TNRC6B: variants seen among roughly 807,000 people sequenced by gnomAD.
TNRC6B encodes trinucleotide repeat containing adaptor 6B.
TNRC6B carries 52 observed loss-of-function variants against 203.6 expected under a neutral mutation model. The observed-to-expected ratio is 0.26, with a 90% CI of 0.20 to 0.32. The LOEUF is 0.32. TNRC6B is among the 10% of genes least tolerant of loss of function. TNRC6B has a pLI of 1.00. For synonymous variants in TNRC6B, 838 were observed against 845.7 expected (o/e 0.99, Z 0.16); for missense variants, 1,923 against 2,286.2 (o/e 0.84, Z 3.24).
At chr22:40,060,244 A>G (rs1187413657) in intron 1 of TNRC6B, among the ~76,000 whole-genome samples, 2 of 150,852 alleles carry the variant, frequency 1.3e-5, no homozygotes, top group Admixed American at 1.3e-4. Context: ...TTTTTGACAA[A>G]AAGTCTCACT....
rs540238906 is a variant in TNRC6B at position 40,149,075 on chromosome 22, T to C, written c.46-7040T>C. Among the ~76,000 whole-genome samples the C allele has an allele frequency of 1.1e-4, 17 of 152,308 alleles. No homozygotes were observed. In the South Asian group the frequency reaches 2.3e-3, roughly 20 times the overall value. Reference sequence around the variant, plus strand: ...TTTACTCAATAAAAAAGAATACATATGTGAGTGTTCATAGCAGCTTTATTT... The same window carrying C: ...TTTACTCAATAAAAAAGAATACATACGTGAGTGTTCATAGCAGCTTTATTT... On this transcript the variant is annotated intron_variant, in intron 3 of 23. Coordinates refer to the TNRC6B transcript ENST00000301923.
intron 1 of TNRC6B, among the ~76,000 whole-genome samples, chr22:40,237,914 C>A (rs1258970467): frequency 6.6e-6 from 1 of 151,936 alleles, no homozygotes; most frequent in African/African-American, 2.4e-5. Flanking sequence ...ATGTCAGCTC[C>A]CTGAGGGCAG....
chr22:40,167,084 C>T (rs899484088), intron 4 of TNRC6B, among the ~76,000 whole-genome samples: 2 of 152,066 alleles, frequency 1.3e-5, no homozygotes, highest in African/African-American at 4.8e-5. Context: ...TGATAGAGTG[C>T]CGCATATTTC....
At chr22:40,193,143 A>AG (rs1178869165) in intron 1 of TNRC6B, among the ~76,000 whole-genome samples, 2 of 152,220 alleles carry the variant, frequency 1.3e-5, no homozygotes, top group African/African-American at 4.8e-5. Flanking sequence ...AGTGAGTCCC[A>AG]GCAGCCGAGC....
At position 40,265,064 on chromosome 22, in the gene TNRC6B, C is replaced by T; in HGVS notation, c.834C>T (p.Asn278=). The part of the protein sequence containing the change: ...VQSSNSTTEN[N]NGLGNWRNVS... ...CTTCCAACTCTACTACAGAGAACAA[C>T]AATGGACTAGGAAATTGGAGGAATG... The change falls in exon 5 of 23, where the codon AAC becomes AAT. Residue 278 remains asparagine (N), a synonymous_variant. Transcript: ENST00000454349. The T allele has an allele frequency of 6.2e-7, 1 of 1,613,984 alleles. No homozygotes were observed. Among genetic ancestry groups the T allele is most frequent in the Non-Finnish European group, 8.5e-7 (1 of 1,179,890 alleles).
intron 1 of TNRC6B, among the ~76,000 whole-genome samples, chr22:40,211,303 C>T (rs1371279543): frequency 1.3e-5 from 2 of 152,136 alleles, no homozygotes; most frequent in African/African-American, 4.8e-5. Flanking sequence ...TGGTCTCTAA[C>T]TCCTGGACTC....
In TNRC6B at chr22:40,278,003, A is replaced by G; in HGVS notation, c.3221A>G (p.Gln1074Arg). ...CATCTGTTCTTTATTTTCCAGAGTC[A>G]GACTGAAGATAATCCAAGCAGCAAA... ...KQFSNMGLLS[Q>R]TEDNPSSKMD... Residue 1074 changes from glutamine to arginine, a missense_variant, in exon 9 of 23, where the codon CAG becomes CGG. Transcript: ENST00000454349. The G allele has an allele frequency of 6.4e-7, 1 of 1,559,578 alleles. No individual in the cohort carries two copies.
At chr22:40,208,244 T>C (rs540389240) in intron 1 of TNRC6B, among the ~76,000 whole-genome samples, 1 of 151,812 alleles carries the variant, frequency 6.6e-6, no homozygotes, top group South Asian at 2.1e-4. Flanking sequence ...AGTGTAGCAA[T>C]GTCTAGTAAA....
chr22:40,183,774 A>G (rs1177045098), intron 1 of TNRC6B, among the ~76,000 whole-genome samples: 1 of 151,906 alleles, frequency 6.6e-6, no homozygotes, highest in Non-Finnish European at 1.5e-5. Flanking sequence ...TGCTCACTGC[A>G]ACCTCCGCCT....
intron 3 of TNRC6B, 85 bp from the exon 4 acceptor site, chr22:40,261,747 T>C (rs970230435): frequency 5.1e-6 from 6 of 1,179,294 alleles, no homozygotes; most frequent in Non-Finnish European, 6.7e-6. Context: ...CATCTCTAAA[T>C]AAAATAATAA....
intron 1 of TNRC6B, among the ~76,000 whole-genome samples, chr22:40,245,712 G>A (rs984171428): frequency 3.8e-4 from 11 of 29,044 alleles, no homozygotes; most frequent in Admixed American, 1.2e-3. Flanking sequence ...GAAATTAATC[G>A]TGTGTGTGTG....
chr22:40,216,124 T>C (rs1215138955), intron 1 of TNRC6B, among the ~76,000 whole-genome samples: 2 of 152,256 alleles, frequency 1.3e-5, no homozygotes, highest in Non-Finnish European at 2.9e-5. Flanking sequence ...TGCTTTCTGC[T>C]GCATAGCCTT....
chr22:40,233,687 A>G (rs903000290), intron 1 of TNRC6B, among the ~76,000 whole-genome samples: 1 of 152,172 alleles, frequency 6.6e-6, no homozygotes, highest in Non-Finnish European at 1.5e-5. Context: ...TTCCTTGCAT[A>G]TGCCTTAAAA....
rs547014857 is a variant in TNRC6B, at chr22:40,315,602, A to C, written c.4903+95A>C. 4.4e-5 allele frequency: 60 copies of C among 1,351,144 alleles called. No homozygotes were observed. The East Asian group carries it at 1.3e-3, about 29-fold the overall frequency. 83.7% of individuals were successfully genotyped at this position (1,351,144 alleles called of 1,614,324 possible). A position where few individuals can be genotyped will look rare whatever the true frequency, so the allele number is the denominator to read the frequency against. ...AGACACAAAGAGGTCTTCCCAAGAG[A>C]GGAAGTCATGGTTGTCTGCTTTTTC... On this transcript the variant is annotated intron_variant, in intron 20 of 22. Coordinates refer to ENST00000454349, the MANE Select transcript of TNRC6B (RefSeq NM_001162501.2).
intron 12 of TNRC6B, 53 bp from the exon 13 acceptor site, chr22:40,300,402 G>A: frequency 1.0e-5 from 15 of 1,451,936 alleles, no homozygotes; most frequent in Non-Finnish European, 1.4e-5. Flanking sequence ...GTTTTATTTT[G>A]ATAAATTCTG....
intron 3 of TNRC6B, among the ~76,000 whole-genome samples, chr22:40,128,155 C>G (rs189313208): frequency 6.6e-6 from 1 of 152,276 alleles, no homozygotes; most frequent in Non-Finnish European, 1.5e-5. Flanking sequence ...TAGATTATAA[C>G]TTCAACTTCA....
chr22:40,134,819 C>G (rs1568993781), intron 3 of TNRC6B, among the ~76,000 whole-genome samples: 2 of 152,178 alleles, frequency 1.3e-5, no homozygotes. Flanking sequence ...GGACTATCTT[C>G]CTAATTTTTC....
At chr22:40,174,905 T>C (rs2069041709), upstream of TNRC6B, among the ~76,000 whole-genome samples, 1 of 152,118 alleles carries the variant, frequency 6.6e-6, no homozygotes, top group South Asian at 2.1e-4. Flanking sequence ...ATTGTTAATA[T>C]GAAAAAAGTA....
intron 12 of TNRC6B, among the ~76,000 whole-genome samples, chr22:40,289,361 A>G (rs2070837254): frequency 6.6e-6 from 1 of 152,190 alleles, no homozygotes; most frequent in Non-Finnish European, 1.5e-5. Context: ...GAATGGCAGG[A>G]GTACTAGAGC....
Sources: gnomAD v4.1 joint callset for allele counts (sites outside exome capture counted in the v4.1 genomes callset) on GRCh38, gnomAD v4.1.1 for gene constraint, MANE v1.5 for transcripts, NCBI Gene and HGNC (gene_info 2026-07-23, HGNC 2026-07-21) for gene names.